The following CPA6 variants were observed in gnomAD, a reference collection of about 807,000 sequenced individuals.
The protein encoded by CPA6 is carboxypeptidase B.
CPA6 carries 58 observed loss-of-function variants against 63.3 expected under a neutral mutation model. The ratio of observed to expected loss-of-function variants is 0.92; its 90% CI spans 0.74 to 1.14. The LOEUF (loss-of-function observed/expected upper bound fraction) is 1.14. Ranked by LOEUF, CPA6 falls within the 50% of genes most tolerant of loss-of-function variation. The probability of loss-of-function intolerance (pLI) is 0.00; values close to 1 mark genes in which losing one functional copy is unlikely to be tolerated. For synonymous variants in CPA6, 185 were observed against 179.0 expected (o/e 1.03, Z -0.27); for missense variants, 565 against 526.6 (o/e 1.07, Z -0.71).
At chr8:67,722,806 AG>A (rs1364673495) in intron 1 of CPA6, among the ~76,000 whole-genome samples, 1 of 152,104 alleles carries the variant, frequency 6.6e-6, no homozygotes, top group Non-Finnish European at 1.5e-5. Context: ...AATGGAACCC[AG>A]GTTTCTTCTT....
chr8:67,506,251 G>C (rs910776454), intron 6 of CPA6, among the ~76,000 whole-genome samples: 6 of 152,074 alleles, frequency 3.9e-5, no homozygotes, highest in African/African-American at 1.2e-4. Context: ...TCAACGATTA[G>C]GGTTACTGAA....
At chr8:67,575,561 A>C (rs577740459) in intron 2 of CPA6, among the ~76,000 whole-genome samples, 2 of 152,222 alleles carry the variant, frequency 1.3e-5, no homozygotes, top group Admixed American at 1.3e-4. Flanking sequence ...GCTTTAAAAA[A>C]GGAAGAAATT....
At chr8:67,725,577 G>C (rs1280549618) in intron 1 of CPA6, among the ~76,000 whole-genome samples, 1 of 152,176 alleles carries the variant, frequency 6.6e-6, no homozygotes, top group Non-Finnish European at 1.5e-5. Flanking sequence ...CTGGAGTGCA[G>C]TGGCACAACC....
At chr8:67,686,557 A>G (rs1415550724) in intron 1 of CPA6, among the ~76,000 whole-genome samples, 2 of 152,236 alleles carry the variant, frequency 1.3e-5, no homozygotes, top group African/African-American at 4.8e-5. Context: ...TCTGCCCCAG[A>G]TGACCGCAAA....
chr8:67,558,494 G>A (rs1665964640), intron 2 of CPA6, among the ~76,000 whole-genome samples: 1 of 152,146 alleles, frequency 6.6e-6, no homozygotes, highest in Admixed American at 6.5e-5. Context: ...AAATGTGAAA[G>A]TCAATGTAAA....
intron 3 of CPA6, among the ~76,000 whole-genome samples, chr8:67,515,707 G>A (rs61142861): frequency 0.091 from 13,865 of 151,966 alleles, 1,632 homozygotes; most frequent in African/African-American, 0.27. Context: ...AGGAGATTCA[G>A]GATGATTCTC....
intron 8 of CPA6, among the ~76,000 whole-genome samples, chr8:67,445,160 A>G (rs750154461): frequency 2.6e-4 from 40 of 152,334 alleles, no homozygotes; most frequent in Non-Finnish European, 2.2e-4. Context: ...AGCTTGGTCT[A>G]CAAGTGAAGA....
intron 1 of CPA6, among the ~76,000 whole-genome samples, chr8:67,696,566 A>G (rs1816916034): frequency 6.6e-6 from 1 of 151,820 alleles, no homozygotes; most frequent in East Asian, 1.9e-4. Flanking sequence ...AAGTGTGCAT[A>G]ATATTCAAGC....
At chr8:67,616,852 C>A (rs1814967457) in intron 2 of CPA6, among the ~76,000 whole-genome samples, 3 of 152,080 alleles carry the variant, frequency 2.0e-5, no homozygotes. Context: ...TCTGTCATCC[C>A]AGCCTAGAGC....
chr8:67,484,527 T>C, intron 7 of CPA6, 152 bp downstream of exon 7: 1 of 509,574 alleles, frequency 2.0e-6, no homozygotes, highest in Non-Finnish European at 3.6e-6. Context: ...TTGTTGGTGC[T>C]CTGATTGGGG....
intron 2 of CPA6, among the ~76,000 whole-genome samples, chr8:67,525,851 T>C (rs1183956104): frequency 4.6e-5 from 7 of 152,122 alleles, no homozygotes; most frequent in Non-Finnish European, 8.8e-5. Context: ...TGTGAAATAA[T>C]AGGCATTGGA....
In CPA6 at chr8:67,517,997, A is replaced by G; in HGVS notation, c.243T>C (p.Val81=). Residue 81 remains valine (V), a synonymous_variant, in exon 3 of 11, where the codon GTT becomes GTC. Transcript: ENST00000297770. ...SSISYVSEGT[V]TDVHIPQNGS... is the part of the protein sequence containing the mutation. The stretch of plus-strand genomic sequence containing the variant: ...CATTTTGGGGGATATGGACATCAGT[A>G]ACTGTTCCCTCTGATACATAGGAGA... 2 of 1,613,160 alleles carry G rather than the reference A, an allele frequency of 1.2e-6. No individual in the cohort carries two copies. The highest frequency in any genetic ancestry group is 2.7e-5 in the African/African-American group (2 of 75,004).
chr8:67,501,120 G>T (rs1276081578), intron 6 of CPA6, among the ~76,000 whole-genome samples: 1 of 151,958 alleles, frequency 6.6e-6, no homozygotes, highest in Non-Finnish European at 1.5e-5. Context: ...CTGAAATTTT[G>T]ATAGGAATTG....
At chr8:67,527,387 CACAT>C (rs1372367865) in intron 2 of CPA6, among the ~76,000 whole-genome samples, 1 of 152,104 alleles carries the variant, frequency 6.6e-6, no homozygotes, top group Non-Finnish European at 1.5e-5. Context: ...CCAAAAAAAT[CACAT>C]AAAGCTCATC....
intron 8 of CPA6, chr8:67,483,461 G>T: frequency 4.5e-6 from 2 of 444,088 alleles, no homozygotes; most frequent in South Asian, 4.9e-5. Context: ...ACTACACCAC[G>T]GTTCATGTTT....
chr8:67,612,814 T>C (rs1051394755), intron 2 of CPA6, among the ~76,000 whole-genome samples: 2 of 152,202 alleles, frequency 1.3e-5, no homozygotes, highest in African/African-American at 4.8e-5. Context: ...GCATCCCTAA[T>C]AGCTGTTTTT....
chr8:67,746,171 C>A lies in CPA6; in HGVS notation c.-42G>T. 6.6e-7 allele frequency: 1 copy of A among 1,519,166 alleles called. No homozygotes were observed. Among genetic ancestry groups the A allele is most frequent in the Non-Finnish European group, 9.0e-7 (1 of 1,105,362 alleles). The allele number at this position is 1,519,166 out of a possible 1,614,324, so 94.1% of individuals were successfully genotyped here. On this transcript the variant is annotated 5_prime_UTR_variant, in exon 1 of 11. Coordinates refer to ENST00000297770, the MANE Select transcript of CPA6 (RefSeq NM_020361.5). ...GAGTTGAAAGTTACTTAAGCAGCCA[C>A]CCGAGGCTGGAGGTGGCTCACAGCA...
At chr8:67,601,744 G>A (rs1814501661) in intron 2 of CPA6, among the ~76,000 whole-genome samples, 1 of 152,160 alleles carries the variant, frequency 6.6e-6, no homozygotes, top group Admixed American at 6.5e-5. Context: ...TGGCAAGGGA[G>A]TAGCGAAATA....
chr8:67,725,555 CT>C (rs1484893462), intron 1 of CPA6, among the ~76,000 whole-genome samples: 4 of 152,156 alleles, frequency 2.6e-5, no homozygotes, highest in African/African-American at 4.8e-5. Flanking sequence ...TGGAGTCACT[CT>C]GTCACCCAGG....
Sources: gnomAD v4.1 joint callset for allele counts (sites outside exome capture counted in the v4.1 genomes callset) on GRCh38, gnomAD v4.1.1 for gene constraint, MANE v1.5 for transcripts, NCBI Gene and HGNC (gene_info 2026-07-23, HGNC 2026-07-21) for gene names.